Variants in CPED1 observed in about 807,000 individuals in gnomAD.
CPED1 encodes cadherin-like and PC-esterase domain-containing protein 1.
CPED1 carries 114 observed loss-of-function variants against 128.2 expected under a neutral mutation model. The observed-to-expected ratio is 0.89, with a 90% CI of 0.76 to 1.04. The LOEUF (loss-of-function observed/expected upper bound fraction) is 1.04, where lower values mean the gene tolerates loss of function less well. Ranked by LOEUF, CPED1 falls within the 50% of genes least tolerant of loss-of-function variation. The pLI is 0.00. For synonymous variants in CPED1, 462 were observed against 426.7 expected (o/e 1.08, Z -1.02); for missense variants, 1,211 against 1,207.1 (o/e 1.00, Z -0.05).
In CPED1 at chr7:121,295,501, A is replaced by T. The variant is rs754137127; in HGVS notation, c.2930A>T (p.His977Leu). 3 of 1,613,868 alleles carry T rather than the reference A, an allele frequency of 1.9e-6. No individual in the cohort carries two copies. Among genetic ancestry groups the T allele is most frequent in the Non-Finnish European group, 2.5e-6 (3 of 1,179,878 alleles). Residue 977 changes from histidine to leucine, a missense_variant, in exon 23 of 23, where the codon CAT becomes CTT. By Grantham distance (99) the His-to-Leu change is moderately conservative. Transcript: ENST00000310396. ...NFIKMKRSRN[H>L]IMGRYFSNQS... ...ATTAAAATGAAAAGATCAAGAAATC[A>T]TATCATGGGAAGATATTTCAGCAAT...
chr7:121,286,682 T>A (rs1792584764), intron 22 of CPED1, among the ~76,000 whole-genome samples: 1 of 152,182 alleles, frequency 6.6e-6, no homozygotes, highest in Admixed American at 6.5e-5. Context: ...GGAGAGATGT[T>A]AGAACAAGTT....
chr7:121,148,111 A>G (rs1475501538), intron 16 of CPED1, among the ~76,000 whole-genome samples: 1 of 152,218 alleles, frequency 6.6e-6, no homozygotes, highest in Non-Finnish European at 1.5e-5. Context: ...TGTACTGTCA[A>G]TTAAATACCT....
intron 5 of CPED1, among the ~76,000 whole-genome samples, chr7:121,072,453 C>T (rs947450155): frequency 1.7e-5 from 2 of 120,788 alleles, no homozygotes; most frequent in Admixed American, 9.9e-5. Context: ...GATAAATTTC[C>T]ATGCATTCCA....
intron 21 of CPED1, among the ~76,000 whole-genome samples, chr7:121,267,959 C>T (rs898810565): frequency 1.3e-5 from 2 of 151,990 alleles, no homozygotes; most frequent in African/African-American, 4.8e-5. Context: ...GAACACAAGA[C>T]CCCAATTCTT....
chr7:120,989,651 T>A lies in CPED1; in HGVS notation c.30T>A (p.Arg10=). Residue 10 remains arginine (R), a synonymous_variant, in exon 2 of 23, where the codon CGT becomes CGA. Transcript: ENST00000310396. MVCRPVFPC[R]RRFCPRPFLV... ...TCTGTCGCCCAGTGTTCCCTTGTCGTCGGCGATTTTGCCCCCGACCCTTCT... is the reference window on the plus strand; with the variant it reads ...TCTGTCGCCCAGTGTTCCCTTGTCGACGGCGATTTTGCCCCCGACCCTTCT... 1 of 1,613,974 alleles carries A rather than the reference T, an allele frequency of 6.2e-7. No individual in the cohort carries two copies. The highest frequency in any genetic ancestry group is 8.5e-7 in the Non-Finnish European group (1 of 1,180,000).
intron 22 of CPED1, among the ~76,000 whole-genome samples, chr7:121,281,268 T>C (rs1792457245): frequency 6.6e-6 from 1 of 152,204 alleles, no homozygotes; most frequent in African/African-American, 2.4e-5. Context: ...AATCAGCAGT[T>C]AATTGATATG....
chr7:121,244,122 T>C, intron 17 of CPED1, 80 bp from the exon 18 acceptor site: 1 of 1,510,394 alleles, frequency 6.6e-7, no homozygotes, highest in Admixed American at 1.7e-5. Flanking sequence ...TGAAATGGTG[T>C]GCCATAGCTG....
intron 16 of CPED1, among the ~76,000 whole-genome samples, chr7:121,193,863 C>T (rs1797201882): frequency 1.3e-5 from 2 of 151,434 alleles, no homozygotes; most frequent in African/African-American, 4.9e-5. Flanking sequence ...TTAAGACATG[C>T]CTAATAGAAA....
intron 16 of CPED1, among the ~76,000 whole-genome samples, chr7:121,148,324 G>A (rs1796073593): frequency 6.6e-6 from 1 of 152,196 alleles, no homozygotes; most frequent in African/African-American, 2.4e-5. Flanking sequence ...CGAGGTAATA[G>A]GTGTAGTAGC....
intron 3 of CPED1, among the ~76,000 whole-genome samples, chr7:121,028,862 C>T (rs891239565): frequency 7.9e-5 from 12 of 152,134 alleles, no homozygotes; most frequent in African/African-American, 2.9e-4. Context: ...TACCTGTAAA[C>T]CACCAACAAA....
chr7:121,264,017 T>C lies in CPED1; in HGVS notation c.2311-2210T>C, dbSNP rs1005601950. Among the ~76,000 whole-genome samples the C allele has an allele frequency of 5.3e-5, 8 of 152,166 alleles. No individual in the cohort carries two copies. In the East Asian group the frequency reaches 1.4e-3, roughly 26 times the overall value. ...CTTTGAAGAGCTGATTAAGGTAAAA[T>C]GTCCTATGTGTGGGGCCTACTTAAT... On this transcript the variant is annotated intron_variant, in intron 18 of 22. Coordinates refer to ENST00000310396, the MANE Select transcript of CPED1 (RefSeq NM_024913.5).
chr7:121,067,430 A>T (rs1351412676), intron 5 of CPED1, among the ~76,000 whole-genome samples: 1 of 152,154 alleles, frequency 6.6e-6, no homozygotes, highest in East Asian at 1.9e-4. Flanking sequence ...ATGTCCCTAC[A>T]AAGGACATGA....
Position 121,244,265 on chromosome 7 carries a change from C to G in CPED1, c.2237C>G (p.Thr746Ser). 1 of 1,614,068 alleles carries G rather than the reference C, an allele frequency of 6.2e-7. No homozygotes were observed. The highest frequency in any genetic ancestry group is 8.5e-7 in the Non-Finnish European group (1 of 1,179,954). ...AGGACGTGTGACTGGAGAGAAATAA[C>G]CTGGCAGCCCCACAACTGCCAATAT... ...DNRTCDWREITWQPHNCQYGV... is the reference protein window; with the variant it reads ...DNRTCDWREISWQPHNCQYGV... The change falls in exon 18 of 23, where the codon ACC becomes AGC. Residue 746 changes from threonine (T) to serine (S), a missense_variant. Thr to Ser is a moderately conservative substitution (Grantham distance 58). Coordinates refer to ENST00000310396, the MANE Select transcript of CPED1 (RefSeq NM_024913.5).
At chr7:121,070,081 G>C (rs1191505460) in intron 5 of CPED1, among the ~76,000 whole-genome samples, 1 of 150,982 alleles carries the variant, frequency 6.6e-6, no homozygotes, top group Non-Finnish European at 1.5e-5. Context: ...AAAAATAATA[G>C]GTAAAAACAC....
At chr7:121,050,813 G>A (rs1255414259) in intron 4 of CPED1, 8 of 460,522 alleles carry the variant, frequency 1.7e-5, no homozygotes, top group East Asian at 1.3e-4. Flanking sequence ...CTCAGGCGGC[G>A]GGAGGAGCGG....
intron 18 of CPED1, among the ~76,000 whole-genome samples, chr7:121,252,973 G>A (rs1798716675): frequency 2.0e-5 from 3 of 152,024 alleles, no homozygotes; most frequent in Admixed American, 6.6e-5. Context: ...TATATACCCA[G>A]AGGATTATAA....
chr7:121,256,898 A>G (rs1274856133), intron 18 of CPED1, among the ~76,000 whole-genome samples: 1 of 152,070 alleles, frequency 6.6e-6, no homozygotes, highest in Non-Finnish European at 1.5e-5. Flanking sequence ...TCATAAAAAG[A>G]GCAAAATCGC....
intron 16 of CPED1, among the ~76,000 whole-genome samples, chr7:121,234,551 T>C (rs1282307664): frequency 6.6e-6 from 1 of 151,962 alleles, no homozygotes; most frequent in Non-Finnish European, 1.5e-5. Flanking sequence ...GAAAGTTGTT[T>C]ATAATATTTC....
chr7:121,026,594 A>G (rs1168405681), intron 3 of CPED1, among the ~76,000 whole-genome samples: 1 of 151,776 alleles, frequency 6.6e-6, no homozygotes, highest in East Asian at 1.9e-4. Flanking sequence ...TTAAAAAGCC[A>G]ATGCCCAGGT....
Sources: gnomAD v4.1 joint callset for allele counts (sites outside exome capture counted in the v4.1 genomes callset) on GRCh38, gnomAD v4.1.1 for gene constraint, MANE v1.5 for transcripts, NCBI Gene and HGNC (gene_info 2026-07-23, HGNC 2026-07-21) for gene names.